LIPA: variants seen among roughly 807,000 people sequenced by gnomAD.
The protein encoded by LIPA is lysosomal acid lipase/cholesteryl ester hydrolase.
Under a neutral mutation model 40.6 loss-of-function variants are expected in LIPA, and 26 were observed. That is an observed-to-expected ratio of 0.64 (90% CI 0.47 to 0.89). LIPA has a LOEUF of 0.89. Ranked by LOEUF, LIPA falls within the 40% of genes least tolerant of loss-of-function variation. The probability of loss-of-function intolerance (pLI) is 0.00; values close to 1 mark genes in which losing one functional copy is unlikely to be tolerated. For missense variants in LIPA, 455 were observed against 479.6 expected, an observed-to-expected ratio of 0.95 and a Z score of 0.48; for synonymous variants, 188 against 168.4, an observed-to-expected ratio of 1.12 and a Z score of -0.90.
chr10:89,277,304 A>G (rs1261634807), intron 1 of LIPA, among the ~76,000 whole-genome samples: 1 of 152,264 alleles, frequency 6.6e-6, no homozygotes, highest in Non-Finnish European at 1.5e-5. Context: ...CAAGTTATGT[A>G]ATCCTTTTGA....
rs368737743 is a variant in LIPA at position 89,383,424 on chromosome 10, C to T, written c.61+29367G>A. 1.9e-6 allele frequency: 3 copies of T among 1,614,068 alleles called. No homozygotes were observed. In the African/African-American group the frequency reaches 4.0e-5, roughly 22 times the overall value. ...CCCCTGAAATTCCTGATTTAGAAAA[C>T]AGGATCTGGGAAGAGATTCAGTTCC... On this transcript the variant is annotated intron_variant, in intron 2 of 8. Coordinates refer to the LIPA transcript ENST00000371837.
intron 1 of LIPA, among the ~76,000 whole-genome samples, chr10:89,299,547 G>A (rs4934469): frequency 0.25 from 38,754 of 152,000 alleles, 5,554 homozygotes; most frequent in East Asian, 0.68. Flanking sequence ...TCTCCATGGC[G>A]CATTATAGTC....
intron 1 of LIPA, among the ~76,000 whole-genome samples, chr10:89,336,136 A>G (rs1843735330): frequency 7.1e-6 from 1 of 140,564 alleles, no homozygotes; most frequent in Non-Finnish European, 1.6e-5. Flanking sequence ...AAGGGAGGAA[A>G]GAAGGAAAAT....
chr10:89,363,503 C>G (rs567734607), intron 2 of LIPA: 1 of 152,176 alleles, frequency 6.6e-6, no homozygotes, highest in Non-Finnish European at 1.5e-5. Flanking sequence ...CTGGGCTGGG[C>G]GCGGTGGCTC....
At chr10:89,253,751 G>C (rs1843165553), upstream of LIPA, among the ~76,000 whole-genome samples, 1 of 152,240 alleles carries the variant, frequency 6.6e-6, no homozygotes, top group Admixed American at 6.5e-5. Context: ...AAAATCAAAA[G>C]CAAGTTAGTT....
At chr10:89,243,411 G>A (rs1005686162) in intron 3 of LIPA, among the ~76,000 whole-genome samples, 1 of 152,166 alleles carries the variant, frequency 6.6e-6, no homozygotes, top group Non-Finnish European at 1.5e-5. Flanking sequence ...ATCCCCTACA[G>A]GGAGGGCCTC....
intron 1 of LIPA, chr10:89,305,998 G>A: frequency 1.2e-6 from 2 of 1,613,806 alleles, no homozygotes; most frequent in East Asian, 2.2e-5. Flanking sequence ...GCAGCCTACG[G>A]CAACTAAAAT....
At chr10:89,403,956 T>C (rs1023846509) in intron 2 of LIPA, 6 of 367,390 alleles carry the variant, frequency 1.6e-5, no homozygotes, top group African/African-American at 1.3e-4. Flanking sequence ...TTAGTTAACT[T>C]TGTAGGAAAT....
chr10:89,276,537 T>G (rs1843290410), intron 1 of LIPA, among the ~76,000 whole-genome samples: 1 of 152,196 alleles, frequency 6.6e-6, no homozygotes, highest in South Asian at 2.1e-4. Context: ...GAGGGGAACA[T>G]TTTAAAATAA....
intron 1 of LIPA, among the ~76,000 whole-genome samples, chr10:89,275,714 C>A (rs1843286274): frequency 6.6e-6 from 1 of 152,198 alleles, no homozygotes; most frequent in Non-Finnish European, 1.5e-5. Context: ...TAGTGATCTA[C>A]TTTCATTTCT....
At chr10:89,340,170 G>A (rs1843840071) in intron 1 of LIPA, 14 of 1,529,048 alleles carry the variant, frequency 9.2e-6, no homozygotes, top group Non-Finnish European at 1.1e-5. Flanking sequence ...TGCAGTGGTG[G>A]TTGTGACGGG....
chr10:89,270,989 C>T (rs910307037), intron 1 of LIPA, among the ~76,000 whole-genome samples: 11 of 152,202 alleles, frequency 7.2e-5, no homozygotes, highest in African/African-American at 2.4e-4. Flanking sequence ...TCTGACCCAT[C>T]AAACCTTAAA....
chr10:89,383,798 C>G (rs764241446), intron 2 of LIPA: 1 of 1,614,070 alleles, frequency 6.2e-7, no homozygotes, highest in African/African-American at 1.3e-5. Flanking sequence ...CGGGCCAAGA[C>G]CTGCTTTGAA....
intron 2 of LIPA, among the ~76,000 whole-genome samples, chr10:89,379,463 AAT>A (rs1285086039): frequency 6.6e-6 from 1 of 152,160 alleles, no homozygotes; most frequent in Non-Finnish European, 1.5e-5. Flanking sequence ...TGTTCCACAA[AAT>A]ATATATTTCT....
intron 3 of LIPA, among the ~76,000 whole-genome samples, chr10:89,241,753 C>T (rs1307895571): frequency 1.3e-5 from 2 of 152,070 alleles, no homozygotes; most frequent in African/African-American, 2.4e-5. Context: ...TTCACCCACT[C>T]GGCAATCAGA....
At chr10:89,310,844 C>T (rs774461263) in intron 1 of LIPA, among the ~76,000 whole-genome samples, 44 of 152,146 alleles carry the variant, frequency 2.9e-4, no homozygotes, top group African/African-American at 9.7e-4. Context: ...AACAGGTAAA[C>T]GATACAAATA....
At chr10:89,232,533 G>T (rs1214894382) in intron 3 of LIPA, among the ~76,000 whole-genome samples, 1 of 152,206 alleles carries the variant, frequency 6.6e-6, no homozygotes, top group Non-Finnish European at 1.5e-5. Flanking sequence ...GGAAAACATG[G>T]GACTGCCTAG....
At chr10:89,324,931 G>C (rs796827539) in intron 1 of LIPA, among the ~76,000 whole-genome samples, 2 of 152,072 alleles carry the variant, frequency 1.3e-5, no homozygotes, top group Admixed American at 1.3e-4. Flanking sequence ...CTATTGGGTT[G>C]GTTCCAAGTC....
At chr10:89,325,843 A>G (rs190379615) in intron 1 of LIPA, among the ~76,000 whole-genome samples, 1 of 152,246 alleles carries the variant, frequency 6.6e-6, no homozygotes, top group African/African-American at 2.4e-5. Context: ...CTGTACGTGT[A>G]TACCTGCACA....
Sources: gnomAD v4.1 joint callset for allele counts (sites outside exome capture counted in the v4.1 genomes callset) on GRCh38, gnomAD v4.1.1 for gene constraint, MANE v1.5 for transcripts, NCBI Gene and HGNC (gene_info 2026-07-23, HGNC 2026-07-21) for gene names.